The following TYK2 variants were observed in gnomAD, a reference collection of about 807,000 sequenced individuals.
TYK2 encodes the protein non-receptor tyrosine-protein kinase TYK2.
In TYK2, 65 loss-of-function variants were observed where a neutral mutation model predicts 130.9. The observed-to-expected ratio is 0.50, with a 90% CI of 0.41 to 0.61. TYK2 has a LOEUF of 0.61. TYK2 is among the 20% of genes least tolerant of loss of function. The pLI is 0.00. For missense variants in TYK2, 1,378 were observed against 1,610.7 expected, an observed-to-expected ratio of 0.86 and a Z score of 2.47; for synonymous variants, 647 against 658.9, an observed-to-expected ratio of 0.98 and a Z score of 0.28.
rs1342236912 is a variant in TYK2 at position 10,380,473 on chromosome 19, C to T, written c.-279G>A. The T allele has an allele frequency of 2.0e-5, 3 of 152,580 alleles. No individual in the cohort carries two copies. The highest frequency in any genetic ancestry group is 7.2e-5 in the African/African-American group (3 of 41,468). The allele number at this position is 152,580 out of a possible 1,614,324, so 9.5% of individuals were successfully genotyped here. A position where few individuals can be genotyped will look rare whatever the true frequency, so the allele number is the denominator to read the frequency against. ...CCCCGCGGCTTCTTCCTGAGGACCT[C>T]CGGCCGCGCTCCTTCCGCGCCCGCG... On this transcript the variant is annotated 5_prime_UTR_variant, in exon 1 of 25. Transcript: ENST00000525621.
In TYK2 at chr19:10,354,034, C is replaced by T; in HGVS notation, c.2908+8G>A. On this transcript the variant is annotated splice_region_variant and intron_variant, in intron 20 of 24. Coordinates refer to ENST00000525621, the MANE Select transcript of TYK2 (RefSeq NM_003331.5). ...TCAAGTCTCTAGGACTCGCCGGGTC[C>T]CGCCCACCTTGGTCCTCGCAGCAGC... 6.2e-7 allele frequency: 1 copy of T among 1,613,958 alleles called. No individual in the cohort carries two copies. The highest frequency in any genetic ancestry group is 2.2e-5 in the East Asian group (1 of 44,890).
At position 10,353,673 on chromosome 19, in the gene TYK2, G is replaced by A. The variant is rs894841890; in HGVS notation, c.2909-27C>T. 6 of 1,457,468 alleles carry A rather than the reference G, an allele frequency of 4.1e-6. No individual in the cohort carries two copies. Among genetic ancestry groups the A allele is most frequent in the Non-Finnish European group, 5.5e-6 (6 of 1,099,500 alleles). The allele number at this position is 1,457,468 out of a possible 1,614,324, so 90.3% of individuals were successfully genotyped here. A position where few individuals can be genotyped will look rare whatever the true frequency, so the allele number is the denominator to read the frequency against. On this transcript the variant is annotated intron_variant, in intron 20 of 24. Transcript: ENST00000525621. This position sits in a 1 kb window ranked among gnomAD's most constrained non-coding sequence, Gnocchi z 6.9. ...TGCCGCGGAGAGGGGCGGCCCCGGT[G>A]GGGGACGATAGAGGGCGGGCCGGGG...
intron 15 of TYK2, among the ~76,000 whole-genome samples, chr19:10,358,805 C>T (rs1169432515): frequency 6.6e-6 from 1 of 152,032 alleles, no homozygotes; most frequent in African/African-American, 2.4e-5. Context: ...TGGCTCACGC[C>T]TGGAATCCCA....
rs373618731 is a variant in TYK2, at chr19:10,351,070, G to A, written c.3411C>T (p.Pro1137=). 9.3e-6 allele frequency: 15 copies of A among 1,614,010 alleles called. No homozygotes were observed. The highest frequency in any genetic ancestry group is 8.8e-5 in the South Asian group (8 of 91,090). The change falls in exon 24 of 25, where the codon CCC becomes CCT. Residue 1137 remains proline, a synonymous_variant. Coordinates refer to ENST00000525621, the MANE Select transcript of TYK2 (RefSeq NM_003331.5). ...LLERGERLPR[P]DKCPCEVYHL... is the part of the protein sequence containing the mutation. ...GTCTCACCTCACAGGGACATTTGTC[G>A]GGCCGTGGCAGCCTCTCCCCTCGTT...
At position 10,356,613 on chromosome 19, in the gene TYK2, A is replaced by C; in HGVS notation, c.2572T>G (p.Ser858Ala). The stretch of plus-strand genomic sequence containing the variant: ...AGGTCACGCAGGATGGTGCGGAATG[A>C]TGGCCTCTGGGTTGGCTCATAGGTC... ...CLTYEPTQRP[S>A]FRTILRDLTR... Residue 858 changes from serine (S) to alanine (A), a missense_variant, in exon 18 of 25, where the codon TCA becomes GCA. By Grantham distance (99) the Ser-to-Ala change is moderately conservative. Transcript: ENST00000525621. The C allele has an allele frequency of 1.2e-6, 2 of 1,613,786 alleles. No homozygotes were observed. The highest frequency in any genetic ancestry group is 1.7e-6 in the Non-Finnish European group (2 of 1,179,990).
chr19:10,377,591 GATGA>G (rs1343440284), intron 3 of TYK2, among the ~76,000 whole-genome samples: 1 of 94,180 alleles, frequency 1.1e-5, no homozygotes, highest in Non-Finnish European at 2.2e-5. Flanking sequence ...TGGATGGATG[GATGA>G]ATGGATGGAT....
In TYK2 at chr19:10,364,985, G is replaced by A; in HGVS notation, c.1075C>T (p.His359Tyr). The A allele has an allele frequency of 6.2e-7, 1 of 1,613,896 alleles. No homozygotes were observed. Among genetic ancestry groups the A allele is most frequent in the South Asian group, 1.1e-5 (1 of 91,070 alleles). Residue 359 changes from histidine (H) to tyrosine (Y), a missense_variant, in exon 8 of 25, where the codon CAC becomes TAC. By Grantham distance (83) the His-to-Tyr change is moderately conservative. Transcript: ENST00000525621. This position sits in a 1 kb window ranked among gnomAD's most constrained non-coding sequence, Gnocchi z 4.9. Reference protein sequence around the residue: ...ASLFGKKAKAHKAVGQPADRP... With the variant: ...ASLFGKKAKAYKAVGQPADRP... The stretch of plus-strand genomic sequence containing the variant: ...TCTGCCGGCTGGCCGACTGCCTTGT[G>A]AGCCTTGGCCTTCTTCCCAAACAGG...
At chr19:10,355,059 AAAAG>A (rs967749201) in intron 18 of TYK2, among the ~76,000 whole-genome samples, 18 of 151,760 alleles carry the variant, frequency 1.2e-4, no homozygotes, top group African/African-American at 3.9e-4. Flanking sequence ...GAAAGAAAGA[AAAAG>A]AAAAAACAGA....
At chr19:10,359,084 T>C in intron 15 of TYK2, 91 bp downstream of exon 15, 1 of 1,494,704 alleles carries the variant, frequency 6.7e-7, no homozygotes, top group Non-Finnish European at 9.0e-7. Flanking sequence ...ACAAAAAAGA[T>C]GGGGTCTCGC....
Position 10,364,720 on chromosome 19 carries a change from C to G in TYK2, c.1261G>C (p.Asp421His), listed in dbSNP as rs770480398. 1.2e-6 allele frequency: 2 copies of G among 1,613,814 alleles called. No individual in the cohort carries two copies. The highest frequency in any genetic ancestry group is 3.3e-5 in the Admixed American group (2 of 60,020). ...TCGGCCGTCAGGCGGAAATAGCCGT[C>G]CACCAGCGACACGAAGGACAGCGCC... ...AAALSFVSLV[D>H]GYFRLTADSS... Residue 421 changes from aspartate to histidine, a missense_variant, in exon 9 of 25, where the codon GAC becomes CAC. Asp to His is a moderately conservative substitution (Grantham distance 81, BLOSUM62 -1). Coordinates refer to ENST00000525621, the MANE Select transcript of TYK2 (RefSeq NM_003331.5). This position sits in a 1 kb window ranked among gnomAD's most constrained non-coding sequence, Gnocchi z 4.9.
At position 10,369,069 on chromosome 19, in the gene TYK2, A is replaced by G. The variant is rs189672154; in HGVS notation, c.194-651T>C. On this transcript the variant is annotated intron_variant, in intron 3 of 24. Coordinates refer to ENST00000525621, the MANE Select transcript of TYK2 (RefSeq NM_003331.5). ...GGTGATCTGCCCACCTTGGCCCCCC[A>G]AAGTGCTGAGATTACAGGCATGAGC... is the stretch of plus-strand genomic sequence containing the variant. Among the ~76,000 whole-genome samples, 20 of 152,238 alleles carry G rather than the reference A, an allele frequency of 1.3e-4. No homozygotes were observed. In the East Asian group the frequency reaches 3.9e-3, roughly 29 times the overall value.
At chr19:10,377,879 T>TG (rs1568347057) in intron 3 of TYK2, among the ~76,000 whole-genome samples, 1 of 31,750 alleles carries the variant, frequency 3.1e-5, no homozygotes, top group Non-Finnish European at 5.8e-5. Flanking sequence ...GATGGATGCG[T>TG]GGGTGGATGG....
At position 10,359,237 on chromosome 19, in the gene TYK2, G is replaced by T. The variant is rs375987424; in HGVS notation, c.2113C>A (p.His705Asn). 1 of 1,610,686 alleles carries T rather than the reference G, an allele frequency of 6.2e-7. No homozygotes were observed. The highest frequency in any genetic ancestry group is 1.1e-5 in the South Asian group (1 of 91,034). Residue 705 changes from histidine (H) to asparagine (N), a missense_variant, in exon 15 of 25, where the codon CAT becomes AAT. Transcript: ENST00000525621. ...LDVWLRRERG[H>N]VPMAWKMVVA... ...ACCATCTTCCAAGCCATGGGCACATGGCCCCGCTCCCTCCGCAGCCACACA... is the reference window on the plus strand; with the variant it reads ...ACCATCTTCCAAGCCATGGGCACATTGCCCCGCTCCCTCCGCAGCCACACA...
At chr19:10,371,157 G>C (rs1215545814) in intron 3 of TYK2, among the ~76,000 whole-genome samples, 1 of 151,354 alleles carries the variant, frequency 6.6e-6, no homozygotes, top group Non-Finnish European at 1.5e-5. Context: ...GTAGAGAAGG[G>C]GTCTCACCAT....
chr19:10,370,879 T>G (rs2041882697), intron 3 of TYK2, among the ~76,000 whole-genome samples: 1 of 152,002 alleles, frequency 6.6e-6, no homozygotes, highest in Non-Finnish European at 1.5e-5. Flanking sequence ...GGCTCACATC[T>G]GTAATCCCAG....
At chr19:10,366,308 GAA>G (rs1310326387) in intron 6 of TYK2, 107 bp downstream of exon 6, 468 of 976,718 alleles carry the variant, frequency 4.8e-4, no homozygotes, top group Non-Finnish European at 5.1e-4. Flanking sequence ...CTCCGGCTCA[GAA>G]AAAAAAAAAA....
intron 5 of TYK2, among the ~76,000 whole-genome samples, chr19:10,367,696 A>G (rs8104304): frequency 0.15 from 22,822 of 151,710 alleles, 1,798 homozygotes; most frequent in Middle Eastern, 0.2. Flanking sequence ...CGAGGCGGGC[A>G]GATCACGAGG....
Position 10,364,312 on chromosome 19 carries a change from A to G in TYK2, c.1367+302T>C, listed in dbSNP as rs2041546627. Among the ~76,000 whole-genome samples the G allele has an allele frequency of 2.6e-5, 4 of 152,084 alleles. No individual in the cohort carries two copies. The highest frequency in any genetic ancestry group is 5.9e-5 in the Non-Finnish European group (4 of 68,012). On this transcript the variant is annotated intron_variant, in intron 9 of 24. Transcript: ENST00000525621. The surrounding 1 kb of genome is among the most constrained non-coding windows in gnomAD (Gnocchi z 4.9). Reference sequence around the variant, plus strand: ...GATCACCTGAGGTCAGGAGTTCAAGACTAGGTTGGCCAATCTGATGAAACC... The same window carrying G: ...GATCACCTGAGGTCAGGAGTTCAAGGCTAGGTTGGCCAATCTGATGAAACC...
rs746113423 is a variant in TYK2 at position 10,354,500 on chromosome 19, C to G, written c.2715+12G>C. 6.2e-7 allele frequency: 1 copy of G among 1,613,216 alleles called. No homozygotes were observed. Among genetic ancestry groups the G allele is most frequent in the Non-Finnish European group, 8.5e-7 (1 of 1,179,366 alleles). On this transcript the variant is annotated intron_variant, in intron 19 of 24. Transcript: ENST00000525621. ...CAGGCGGGCCTTTTAGCAGCTCAGG[C>G]CCGTCCCTCACCTCGCCCAGATCTC... is the stretch of plus-strand genomic sequence containing the variant.
Sources: gnomAD v4.1 joint callset for allele counts (sites outside exome capture counted in the v4.1 genomes callset) on GRCh38, gnomAD v4.1.1 for gene constraint, Gnocchi (gnomAD v3.1) non-coding constraint, MANE v1.5 for transcripts, NCBI Gene and HGNC (gene_info 2026-07-23, HGNC 2026-07-21) for gene names.